Variants in CNTNAP5 observed in about 807,000 individuals in gnomAD.
CNTNAP5 encodes the protein contactin associated protein family member 5.
CNTNAP5 carries 72 observed loss-of-function variants against 150.2 expected under a neutral mutation model. The observed-to-expected ratio is 0.48, with a 90% CI of 0.40 to 0.58. The LOEUF is 0.58. CNTNAP5 is among the 20% of genes least tolerant of loss of function. CNTNAP5 has a pLI of 0.00. For missense variants in CNTNAP5, 1,636 were observed against 1,626.2 expected (o/e 1.01, Z -0.10); for synonymous variants, 672 against 619.8 (o/e 1.08, Z -1.25).
intron 6 of CNTNAP5, among the ~76,000 whole-genome samples, chr2:124,458,517 G>A (rs1035175638): frequency 6.6e-6 from 1 of 151,430 alleles, no homozygotes; most frequent in Non-Finnish European, 1.5e-5. Context: ...GGGGTTCAAG[G>A]GGAAAGCGTG....
chr2:124,854,947 A>T (rs1020883685), intron 19 of CNTNAP5, among the ~76,000 whole-genome samples: 1 of 152,196 alleles, frequency 6.6e-6, no homozygotes, highest in Non-Finnish European at 1.5e-5. Context: ...GGAGGCAAGT[A>T]GGTGTTTTCA....
At chr2:124,570,508 T>C (rs987057390) in intron 11 of CNTNAP5, among the ~76,000 whole-genome samples, 1 of 152,166 alleles carries the variant, frequency 6.6e-6, no homozygotes, top group African/African-American at 2.4e-5. Context: ...GACAATGAAT[T>C]GAGAAGGAAC....
intron 7 of CNTNAP5, among the ~76,000 whole-genome samples, chr2:124,488,622 A>C (rs190690380): frequency 6.6e-6 from 1 of 152,362 alleles, no homozygotes; most frequent in Admixed American, 6.5e-5. Flanking sequence ...GAATAAGTGA[A>C]TGCATTTTTA....
chr2:124,390,126 G>A (rs377016502), intron 3 of CNTNAP5, among the ~76,000 whole-genome samples: 36 of 152,274 alleles, frequency 2.4e-4, no homozygotes, highest in African/African-American at 6.5e-4. Flanking sequence ...AGGGAGATGA[G>A]CATGAATCAA....
intron 3 of CNTNAP5, among the ~76,000 whole-genome samples, chr2:124,292,464 A>G (rs1161824341): frequency 6.6e-6 from 1 of 152,168 alleles, no homozygotes; most frequent in African/African-American, 2.4e-5. Context: ...ACCCATAATT[A>G]CATGTTGGAA....
intron 12 of CNTNAP5, among the ~76,000 whole-genome samples, chr2:124,629,518 A>C (rs1454350599): frequency 6.6e-6 from 1 of 152,210 alleles, no homozygotes. Context: ...ACCAATGAGA[A>C]CAAAGAGACA....
At chr2:124,553,862 G>T (rs933664687) in intron 10 of CNTNAP5, among the ~76,000 whole-genome samples, 1 of 152,120 alleles carries the variant, frequency 6.6e-6, no homozygotes. Context: ...CAGCTCCCGG[G>T]CATTTGTGCA....
chr2:124,052,511 GC>G (rs1681726354), intron 1 of CNTNAP5, among the ~76,000 whole-genome samples: 1 of 152,200 alleles, frequency 6.6e-6, no homozygotes, highest in Non-Finnish European at 1.5e-5. Flanking sequence ...GTAAATTAAT[GC>G]AAGCATTTGC....
At chr2:124,817,208 T>C (rs1201031063) in intron 19 of CNTNAP5, among the ~76,000 whole-genome samples, 1 of 152,200 alleles carries the variant, frequency 6.6e-6, no homozygotes, top group Non-Finnish European at 1.5e-5. Context: ...TTTTAAAACA[T>C]GCTAAATTAA....
chr2:124,800,495 T>A (rs1681945105), intron 19 of CNTNAP5, among the ~76,000 whole-genome samples: 1 of 152,186 alleles, frequency 6.6e-6, no homozygotes, highest in Non-Finnish European at 1.5e-5. Flanking sequence ...CTGAGGCACT[T>A]CAAAATCTCA....
At chr2:124,186,893 C>G (rs1416516848) in intron 1 of CNTNAP5, among the ~76,000 whole-genome samples, 1 of 152,188 alleles carries the variant, frequency 6.6e-6, no homozygotes, top group Non-Finnish European at 1.5e-5. Context: ...GCAGTGCAAA[C>G]TCAGTGTGTT....
At chr2:124,369,663 A>C (rs541983284) in intron 3 of CNTNAP5, among the ~76,000 whole-genome samples, 24 of 152,326 alleles carry the variant, frequency 1.6e-4, no homozygotes, top group African/African-American at 5.8e-4. Flanking sequence ...AAGTGTTCTT[A>C]AAATAAAGAC....
At chr2:124,202,364 C>T (rs1685748826) in intron 1 of CNTNAP5, among the ~76,000 whole-genome samples, 1 of 152,140 alleles carries the variant, frequency 6.6e-6, no homozygotes, top group Non-Finnish European at 1.5e-5. Flanking sequence ...AGTGGCCATT[C>T]TGAGAAATTT....
intron 19 of CNTNAP5, among the ~76,000 whole-genome samples, chr2:124,846,991 G>C (rs887881271): frequency 6.6e-6 from 1 of 152,208 alleles, no homozygotes; most frequent in African/African-American, 2.4e-5. Context: ...GAATGAAGTG[G>C]ACTCTGTGAG....
intron 3 of CNTNAP5, among the ~76,000 whole-genome samples, chr2:124,297,036 G>A (rs1489283132): frequency 2.0e-5 from 3 of 152,148 alleles, no homozygotes; most frequent in South Asian, 4.1e-4. Context: ...TCTCTGGAAG[G>A]TTATTCTTTT....
At chr2:124,713,000 A>G (rs1006841255) in intron 13 of CNTNAP5, among the ~76,000 whole-genome samples, 1 of 152,062 alleles carries the variant, frequency 6.6e-6, no homozygotes, top group African/African-American at 2.4e-5. Context: ...ACCTCCTAAT[A>G]CCATCATCTT....
intron 19 of CNTNAP5, among the ~76,000 whole-genome samples, chr2:124,804,548 C>T (rs956905784): frequency 2.0e-5 from 3 of 152,072 alleles, no homozygotes; most frequent in African/African-American, 4.8e-5. Flanking sequence ...ATTATAAGAT[C>T]GGAGCCCTAA....
At chr2:124,674,725 T>A (rs1176753118) in intron 13 of CNTNAP5, among the ~76,000 whole-genome samples, 1 of 151,814 alleles carries the variant, frequency 6.6e-6, no homozygotes, top group African/African-American at 2.4e-5. Context: ...ATTTCCATTG[T>A]GATTTCTTTT....
intron 18 of CNTNAP5, among the ~76,000 whole-genome samples, chr2:124,792,198 A>G (rs1681749789): frequency 6.6e-6 from 1 of 152,218 alleles, no homozygotes; most frequent in Non-Finnish European, 1.5e-5. Context: ...TTCCTAGGTC[A>G]GAACTGTGTT....
Sources: gnomAD v4.1 joint callset for allele counts (sites outside exome capture counted in the v4.1 genomes callset) on GRCh38, gnomAD v4.1.1 for gene constraint, MANE v1.5 for transcripts, NCBI Gene and HGNC (gene_info 2026-07-23, HGNC 2026-07-21) for gene names.